ME3: variants seen among roughly 807,000 people sequenced by gnomAD.
ME3 encodes malic enzyme 3.
ME3 carries 48 observed loss-of-function variants against 68.9 expected under a neutral mutation model. The ratio of observed to expected loss-of-function variants is 0.70; its 90% CI spans 0.55 to 0.89. The LOEUF is 0.89. Ranked by LOEUF, ME3 falls within the 40% of genes least tolerant of loss-of-function variation. ME3 has a pLI of 0.00. For missense variants in ME3, 675 were observed against 797.4 expected, an observed-to-expected ratio of 0.85 and a Z score of 1.85; for synonymous variants, 320 against 318.8, an observed-to-expected ratio of 1.00 and a Z score of -0.04.
At chr11:86,562,062 T>C (rs1416405429) in intron 2 of ME3, among the ~76,000 whole-genome samples, 1 of 152,238 alleles carries the variant, frequency 6.6e-6, no homozygotes, top group Admixed American at 6.5e-5. Flanking sequence ...CCATGGGCTT[T>C]ACTTGTTCAT....
chr11:86,504,976 C>G (rs1594212431), intron 5 of ME3, among the ~76,000 whole-genome samples: 1 of 152,222 alleles, frequency 6.6e-6, no homozygotes, highest in East Asian at 1.9e-4. Flanking sequence ...CAGGCGTGAG[C>G]CACCATGCAC....
At chr11:86,440,343 T>C (rs1948933769), downstream of ME3, among the ~76,000 whole-genome samples, 1 of 152,178 alleles carries the variant, frequency 6.6e-6, no homozygotes, top group Non-Finnish European at 1.5e-5. Context: ...AGATGAAGGC[T>C]AGCACTGAAC....
the ME3 span, chr11:86,435,327 G>C: frequency 6.6e-6 from 1 of 152,304 alleles, no homozygotes; most frequent in South Asian, 2.1e-4. Flanking sequence ...ACTAGAAAAA[G>C]ATGGAAAAAT....
chr11:86,467,712 C>CACACACACACACACACACACA, intron 7 of ME3, among the ~76,000 whole-genome samples: 1 of 150,854 alleles, frequency 6.6e-6, no homozygotes, highest in African/African-American at 2.4e-5. Flanking sequence ...CACACACACA[C>CACACACACACACACACACACA]CCCTTTAAGC....
At chr11:86,529,938 C>T (rs1456827765) in intron 4 of ME3, among the ~76,000 whole-genome samples, 1 of 152,150 alleles carries the variant, frequency 6.6e-6, no homozygotes, top group Non-Finnish European at 1.5e-5. Context: ...CCTTTGAAAA[C>T]TGGCACAAGA....
chr11:86,666,793 A>G (rs1313370905), intron 2 of ME3, among the ~76,000 whole-genome samples: 1 of 152,206 alleles, frequency 6.6e-6, no homozygotes, highest in Non-Finnish European at 1.5e-5. Context: ...AAGATATATT[A>G]TGTAATCTGC....
At position 86,486,720 on chromosome 11, in the gene ME3, C is replaced by T. The variant is rs965764468; in HGVS notation, c.809+617G>A. Among the ~76,000 whole-genome samples, 4 of 152,346 alleles carry T rather than the reference C, an allele frequency of 2.6e-5. 1 individual carries two copies. Among genetic ancestry groups the T allele is most frequent in the Admixed American group, 2.6e-4 (4 of 15,306 alleles). ...AACATGGGTGTGTGAGGGCTGTCAT[C>T]AGGCCTCCATCCCAGCGGCACGTCA... On this transcript the variant is annotated intron_variant, in intron 7 of 14. Transcript: ENST00000543262.
intron 2 of ME3, among the ~76,000 whole-genome samples, chr11:86,606,168 T>C (rs1594640888): frequency 3.3e-5 from 5 of 152,330 alleles, no homozygotes; most frequent in Admixed American, 3.3e-4. Context: ...ATTTATCCAT[T>C]GATCTCTACT....
chr11:86,549,232 C>T (rs1210310333), intron 4 of ME3, among the ~76,000 whole-genome samples: 2 of 152,140 alleles, frequency 1.3e-5, no homozygotes, highest in African/African-American at 2.4e-5. Flanking sequence ...GAAAGAGTGT[C>T]TATTGTAAAG....
rs182383519 is a variant in ME3, at chr11:86,448,765, C to G, written c.1132-510G>C. Among the ~76,000 whole-genome samples the G allele has an allele frequency of 4.1e-3, 624 of 152,306 alleles. 6 individuals carry two copies. Among genetic ancestry groups the G allele is most frequent in the African/African-American group, 0.015 (607 of 41,564 alleles). ...AGGCCATGCCCAACCAGCTCCAGTTCCTTACATTTCTTCAAATGGAAGTTG... is the reference window on the plus strand; with the variant it reads ...AGGCCATGCCCAACCAGCTCCAGTTGCTTACATTTCTTCAAATGGAAGTTG... On this transcript the variant is annotated intron_variant, in intron 10 of 14. Coordinates refer to ENST00000543262, the Ensembl canonical transcript of ME3.
In ME3 at chr11:86,571,986, C is replaced by G. The variant is rs1957825098; in HGVS notation, c.184-12163G>C. ...GGAAACTTCAGAAGAGGCAGCACAA[C>G]TTTCACAGTGAGTGATTTAAAAAGT... On this transcript the variant is annotated intron_variant, in intron 2 of 14. Coordinates refer to ENST00000543262, the Ensembl canonical transcript of ME3. Among the ~76,000 whole-genome samples, 3 of 152,302 alleles carry G rather than the reference C, an allele frequency of 2.0e-5. No individual in the cohort carries two copies. The South Asian group carries it at 6.2e-4, about 32-fold the overall frequency.
chr11:86,494,001 A>G (rs980003852), intron 6 of ME3, among the ~76,000 whole-genome samples: 22 of 152,096 alleles, frequency 1.4e-4, no homozygotes, highest in Non-Finnish European at 2.5e-4. Flanking sequence ...GCTCTGAGCA[A>G]AAGGTGTGCC....
At chr11:86,608,048 T>A (rs550215081) in intron 2 of ME3, among the ~76,000 whole-genome samples, 12 of 152,238 alleles carry the variant, frequency 7.9e-5, no homozygotes, top group African/African-American at 2.9e-4. Context: ...TATTTCAGAA[T>A]TGATTAATTT....
At chr11:86,536,307 C>T (rs1165885418) in intron 4 of ME3, among the ~76,000 whole-genome samples, 2 of 149,242 alleles carry the variant, frequency 1.3e-5, no homozygotes, top group East Asian at 3.9e-4. Flanking sequence ...AACTAAAGAG[C>T]TTCTGCACAG....
At chr11:86,497,855 A>G (rs609848) in intron 6 of ME3, 108 bp downstream of exon 6, 991,733 of 1,254,900 alleles carry the variant, frequency 0.79, 394,059 homozygotes, top group Non-Finnish European at 0.81. Context: ...ATGCCAAGAA[A>G]GAAATGGCCC....
intron 2 of ME3, among the ~76,000 whole-genome samples, chr11:86,633,005 C>T (rs903883866): frequency 1.3e-5 from 2 of 152,176 alleles, no homozygotes; most frequent in Non-Finnish European, 2.9e-5. Flanking sequence ...GCCCCTGTGC[C>T]CAGGGACACA....
At chr11:86,645,858 G>T (rs1396251029) in intron 2 of ME3, among the ~76,000 whole-genome samples, 1 of 152,214 alleles carries the variant, frequency 6.6e-6, no homozygotes, top group Non-Finnish European at 1.5e-5. Flanking sequence ...CGAAGGAACA[G>T]GCAGCAATCT....
At chr11:86,620,513 A>G (rs919676913) in intron 2 of ME3, among the ~76,000 whole-genome samples, 4 of 152,240 alleles carry the variant, frequency 2.6e-5, no homozygotes, top group African/African-American at 7.2e-5. Flanking sequence ...GACATCTAAA[A>G]ATAAGAGTGA....
In ME3 at chr11:86,541,691, C is replaced by T. The variant is rs560031492; in HGVS notation, c.467+14862G>A. Reference sequence around the variant, plus strand: ...ACTCCCATCTCCCTGGGACAGAGCACCTCAGGGAAGGGGCAGCTTTGGGCA... The same window carrying T: ...ACTCCCATCTCCCTGGGACAGAGCATCTCAGGGAAGGGGCAGCTTTGGGCA... On this transcript the variant is annotated intron_variant, in intron 4 of 14. Transcript: ENST00000543262. 3.9e-5 allele frequency among the ~76,000 whole-genome samples: 6 copies of T among 152,320 alleles called. No individual in the cohort carries two copies. The East Asian group carries it at 9.7e-4, about 25-fold the overall frequency.
Sources: allele counts gnomAD v4.1 joint callset (sites outside exome capture counted in the v4.1 genomes callset), GRCh38; gene constraint gnomAD v4.1.1; transcripts MANE v1.5; gene names NCBI Gene and HGNC (gene_info 2026-07-23, HGNC 2026-07-21).